Variants in ZNF107 observed in about 807,000 individuals in gnomAD.
ZNF107 encodes the protein C2H2 type zinc-finger protein.
In ZNF107, 19 loss-of-function variants were observed where a neutral mutation model predicts 12.3. The ratio of observed to expected loss-of-function variants is 1.55; its 90% confidence interval spans 1.08 to 2.27. ZNF107 has a LOEUF of 2.27. Among genes scored for constraint, ZNF107 ranks in the 30% most tolerant of loss-of-function variants. The pLI, the probability that ZNF107 is intolerant of heterozygous loss-of-function variation, is 0.00. For missense variants in ZNF107, 958 were observed against 979.9 expected (o/e 0.98, Z 0.30); for synonymous variants, 317 against 330.5 (o/e 0.96, Z 0.44).
intron 1 of ZNF107, chr7:64,690,542 C>G: frequency 1.0e-6 from 1 of 980,198 alleles, no homozygotes; most frequent in Non-Finnish European, 1.2e-6. Context: ...ATTTTAGGGT[C>G]CTAATTTTTA....
intron 1 of ZNF107, among the ~76,000 whole-genome samples, chr7:64,681,216 G>T (rs1050447809): frequency 3.3e-5 from 5 of 151,986 alleles, no homozygotes; most frequent in Admixed American, 3.3e-4. Flanking sequence ...AACTCTTAAG[G>T]TGGAGGGTAA....
rs1034261795 is a variant in ZNF107, at chr7:64,709,547, T to A, written c.*891T>A. The A allele has an allele frequency of 1.6e-5, 6 of 373,168 alleles. No individual in the cohort carries two copies. The highest frequency in any genetic ancestry group is 1.3e-4 in the African/African-American group (6 of 45,312). 23.1% of individuals were successfully genotyped at this position (373,168 alleles called of 1,614,324 possible). On this transcript the variant is annotated 3_prime_UTR_variant, in exon 4 of 4. Transcript: ENST00000620827. ...AAAAATCCTAGAAATGTGAAAAATA[T>A]CACAAAGCCTTTAAATGGTTGTCAC...
chr7:64,697,342 A>G (rs1424142386), intron 3 of ZNF107, among the ~76,000 whole-genome samples: 2 of 152,180 alleles, frequency 1.3e-5, no homozygotes, highest in African/African-American at 4.8e-5. Context: ...CAGTAATGGG[A>G]TGGCTGGGTC....
At position 64,707,920 on chromosome 7, in the gene ZNF107, G is replaced by A. The variant is rs201478920; in HGVS notation, c.1823G>A (p.Arg608His). The stretch of plus-strand genomic sequence containing the variant: ...AAGGCCTTTAAACAGTCCTCACACC[G>A]TACTATACATAAAATTATTCATACT... ...FGKAFKQSSH[R>H]TIHKIIHTGE... The change falls in exon 4 of 4, where the codon CGT (arginine) becomes CAT (histidine). Residue 608 changes from arginine (R) to histidine (H), a missense_variant. By Grantham distance (29) the Arg-to-His change is conservative. Coordinates refer to ENST00000620827, the MANE Select transcript of ZNF107 (RefSeq NM_001282359.2). 8.4e-5 allele frequency: 136 copies of A among 1,611,076 alleles called. No homozygotes were observed. Among genetic ancestry groups the A allele is most frequent in the Admixed American group, 2.8e-4 (17 of 59,752 alleles).
In ZNF107 at chr7:64,683,698, G is replaced by T. The variant is rs560544428; in HGVS notation, c.4-7550G>T. Reference sequence around the variant, plus strand: ...TATTTCTTTCTCATCATGGAAGTCCGTCCTTAAACAATCACTTCTTAATGT... The same window carrying T: ...TATTTCTTTCTCATCATGGAAGTCCTTCCTTAAACAATCACTTCTTAATGT... On this transcript the variant is annotated intron_variant, in intron 1 of 3. Coordinates refer to ENST00000620827, the MANE Select transcript of ZNF107 (RefSeq NM_001282359.2). Among the ~76,000 whole-genome samples the T allele has an allele frequency of 3.9e-5, 6 of 152,152 alleles. No individual in the cohort carries two copies. The East Asian group carries it at 9.7e-4, about 25-fold the overall frequency.
intron 1 of ZNF107, chr7:64,669,030 T>C (rs1264043205): frequency 1.7e-5 from 1 of 58,550 alleles, no homozygotes; most frequent in Non-Finnish European, 3.3e-5. Flanking sequence ...TTTTTTTTTT[T>C]TTTGAGATGG....
chr7:64,683,428 A>G (rs1409767772), intron 1 of ZNF107, among the ~76,000 whole-genome samples: 1 of 152,250 alleles, frequency 6.6e-6, no homozygotes, highest in Non-Finnish European at 1.5e-5. Context: ...CAAACACCTC[A>G]GTGTCTGCAG....
intron 3 of ZNF107, among the ~76,000 whole-genome samples, chr7:64,696,062 C>G (rs1790275674): frequency 6.6e-6 from 1 of 151,708 alleles, no homozygotes; most frequent in African/African-American, 2.4e-5. Context: ...GATTCCCTCT[C>G]TACAATTTTT....
Position 64,708,543 on chromosome 7 carries a change from C to T in ZNF107, c.2446C>T (p.Pro816Ser). The T allele has an allele frequency of 6.2e-7, 1 of 1,612,778 alleles. No homozygotes were observed. The highest frequency in any genetic ancestry group is 8.5e-7 in the Non-Finnish European group (1 of 1,179,400). The change falls in exon 4 of 4, where the codon CCC becomes TCC. Residue 816 changes from proline (P) to serine (S), a missense_variant. By Grantham distance (74) the Pro-to-Ser change is moderately conservative. Transcript: ENST00000620827. The stretch of plus-strand genomic sequence containing the variant: ...TAAGATAATTCATACTGGAGAGAAA[C>T]CCTACAAATGTGGAGATTATGGCAG... ...IHKIIHTGEK[P>S]YKCGDYGRAF...
At chr7:64,682,773 C>G (rs974285936) in intron 1 of ZNF107, among the ~76,000 whole-genome samples, 2 of 152,148 alleles carry the variant, frequency 1.3e-5, no homozygotes, top group Non-Finnish European at 2.9e-5. Flanking sequence ...TTCTTCCTCT[C>G]ACCTCACACA....
Position 64,707,858 on chromosome 7 carries a change from T to C in ZNF107, c.1761T>C (p.His587=), listed in dbSNP as rs556000139. The C allele has an allele frequency of 1.9e-6, 3 of 1,613,498 alleles. No homozygotes were observed. The highest frequency in any genetic ancestry group is 1.3e-5 in the African/African-American group (1 of 74,890). Residue 587 remains histidine, a synonymous_variant, in exon 4 of 4, where the codon CAT becomes CAC. Transcript: ENST00000620827. ...AACTTACTAGACATAAGATAGTTCATACTAAAGAGAAACTCAACAAATGTG... is the reference window on the plus strand; with the variant it reads ...AACTTACTAGACATAAGATAGTTCACACTAAAGAGAAACTCAACAAATGTG... The part of the protein sequence containing the change: ...SYQLTRHKIV[H]TKEKLNKCEE...
intron 1 of ZNF107, chr7:64,689,950 C>T (rs1188175327): frequency 6.6e-6 from 1 of 152,190 alleles, no homozygotes; most frequent in East Asian, 1.9e-4. Context: ...TCTGGAGACT[C>T]AAGCAGATAA....
At chr7:64,682,105 C>T (rs1789702219) in intron 1 of ZNF107, among the ~76,000 whole-genome samples, 1 of 40,914 alleles carries the variant, frequency 2.4e-5, no homozygotes, top group South Asian at 1.1e-3. Flanking sequence ...CCTACCTCAT[C>T]CAGTATGTCG....
intron 1 of ZNF107, among the ~76,000 whole-genome samples, chr7:64,673,413 C>G (rs1012767454): frequency 2.0e-5 from 3 of 152,144 alleles, no homozygotes; most frequent in Non-Finnish European, 2.9e-5. Flanking sequence ...ATGTTTTTTG[C>G]CTACTTTTTA....
chr7:64,694,790 T>A (rs1027126254), intron 3 of ZNF107, among the ~76,000 whole-genome samples: 7 of 152,166 alleles, frequency 4.6e-5, no homozygotes, highest in Non-Finnish European at 1.0e-4. Context: ...ACATTTTTGT[T>A]TTTTATTTTC....
intron 3 of ZNF107, among the ~76,000 whole-genome samples, chr7:64,704,446 A>G (rs990176664): frequency 1.3e-5 from 2 of 151,916 alleles, no homozygotes; most frequent in African/African-American, 2.4e-5. Flanking sequence ...GGGTTTCACC[A>G]TGTTTGCCAG....
In ZNF107 at chr7:64,707,656, A is replaced by C; in HGVS notation, c.1559A>C (p.Gln520Pro). ...KCEECDRAFSQSSNLTEHKKI... is the reference protein window; with the variant it reads ...KCEECDRAFSPSSNLTEHKKI... ...GAAGAATGTGACAGAGCTTTTAGCCAGTCTTCAAACCTTACTGAACATAAG... is the reference window on the plus strand; with the variant it reads ...GAAGAATGTGACAGAGCTTTTAGCCCGTCTTCAAACCTTACTGAACATAAG... Residue 520 changes from glutamine (Q) to proline (P), a missense_variant, in exon 4 of 4, where the codon CAG (glutamine) becomes CCG (proline). Coordinates refer to ENST00000620827, the MANE Select transcript of ZNF107 (RefSeq NM_001282359.2). 1 of 1,612,826 alleles carries C rather than the reference A, an allele frequency of 6.2e-7. No individual in the cohort carries two copies. The highest frequency in any genetic ancestry group is 8.5e-7 in the Non-Finnish European group (1 of 1,179,640).
At chr7:64,673,889 A>G (rs183744105) in intron 1 of ZNF107, among the ~76,000 whole-genome samples, 3 of 152,242 alleles carry the variant, frequency 2.0e-5, no homozygotes, top group Admixed American at 2.0e-4. Context: ...GGTGTGTGGC[A>G]TTATTTCTGG....
chr7:64,671,319 T>C (rs959629344), intron 1 of ZNF107, among the ~76,000 whole-genome samples: 2 of 152,210 alleles, frequency 1.3e-5, no homozygotes, highest in Non-Finnish European at 2.9e-5. Context: ...TATACATTGA[T>C]GTGTCCACAC....
Sources: gnomAD v4.1 joint callset for allele counts (sites outside exome capture counted in the v4.1 genomes callset) on GRCh38, gnomAD v4.1.1 for gene constraint, MANE v1.5 for transcripts, NCBI Gene and HGNC (gene_info 2026-07-23, HGNC 2026-07-21) for gene names.